SUPT3H: variants seen among roughly 807,000 people sequenced by gnomAD.
SUPT3H encodes the protein transcription initiation protein SPT3 homolog.
SUPT3H carries 44 observed loss-of-function variants against 44.3 expected under a neutral mutation model. That is an observed-to-expected ratio of 0.99 (90% confidence interval 0.78 to 1.28). The LOEUF is 1.28. SUPT3H is among the 50% of genes most tolerant of loss of function. SUPT3H has a pLI of 0.00. For synonymous variants in SUPT3H, 124 were observed against 125.6 expected (o/e 0.99, Z 0.09); for missense variants, 380 against 387.1 (o/e 0.98, Z 0.15).
chr6:45,005,383 T>A (rs1402088605), intron 5 of SUPT3H, among the ~76,000 whole-genome samples: 3 of 152,164 alleles, frequency 2.0e-5, no homozygotes, highest in African/African-American at 4.8e-5. Flanking sequence ...GTTATCTAAG[T>A]TAAAAATGTT....
intron 2 of SUPT3H, among the ~76,000 whole-genome samples, chr6:45,241,407 A>T (rs149262077): frequency 0.013 from 1,990 of 152,352 alleles, 23 homozygotes; most frequent in Non-Finnish European, 0.022. Flanking sequence ...TGGCATGAGC[A>T]ATCTGTGCCT....
intron 9 of SUPT3H, among the ~76,000 whole-genome samples, chr6:44,933,115 A>G (rs1770856818): frequency 6.6e-6 from 1 of 152,216 alleles, no homozygotes; most frequent in African/African-American, 2.4e-5. Context: ...AAACATTTTA[A>G]CATTTATTAT....
intron 2 of SUPT3H, among the ~76,000 whole-genome samples, chr6:45,143,223 A>G (rs976060270): frequency 2.0e-5 from 3 of 152,146 alleles, no homozygotes; most frequent in Non-Finnish European, 4.4e-5. Flanking sequence ...TATTTACAGA[A>G]AATTCTACCC....
intron 6 of SUPT3H, among the ~76,000 whole-genome samples, chr6:44,991,774 A>C (rs1010408665): frequency 6.6e-6 from 1 of 152,172 alleles, no homozygotes; most frequent in African/African-American, 2.4e-5. Context: ...GATGCACATA[A>C]AGAAATGGGG....
intron 2 of SUPT3H, among the ~76,000 whole-genome samples, chr6:45,123,772 A>G (rs1008457211): frequency 6.6e-6 from 1 of 152,144 alleles, no homozygotes; most frequent in African/African-American, 2.4e-5. Flanking sequence ...GGCCATCACA[A>G]TACCAAAGTC....
At chr6:44,959,211 A>G (rs1775659627) in intron 7 of SUPT3H, among the ~76,000 whole-genome samples, 1 of 152,092 alleles carries the variant, frequency 6.6e-6, no homozygotes, top group African/African-American at 2.4e-5. Context: ...AATTTTAAAA[A>G]CTTTACGTCA....
intron 10 of SUPT3H, among the ~76,000 whole-genome samples, chr6:44,899,839 G>A (rs1410744536): frequency 2.0e-5 from 3 of 152,090 alleles, no homozygotes; most frequent in African/African-American, 7.2e-5. Context: ...ATGTACTCTG[G>A]AGGTTGATCC....
chr6:45,284,873 G>A (rs1044517150), intron 2 of SUPT3H, among the ~76,000 whole-genome samples: 4 of 152,224 alleles, frequency 2.6e-5, no homozygotes, highest in East Asian at 1.9e-4. Context: ...ATTCAGCAGT[G>A]CATCAAAAAG....
chr6:44,815,005 T>C (rs1337047048), intron 11 of SUPT3H, among the ~76,000 whole-genome samples: 3 of 152,100 alleles, frequency 2.0e-5, no homozygotes, highest in Non-Finnish European at 4.4e-5. Flanking sequence ...AGAAATACTC[T>C]GCAGTCTTAA....
At chr6:45,376,866 C>CACAG in intron 1 of SUPT3H, among the ~76,000 whole-genome samples, 1 of 152,166 alleles carries the variant, frequency 6.6e-6, no homozygotes, top group African/African-American at 2.4e-5. Context: ...TACATATATA[C>CACAG]ACATACATAT....
At chr6:44,816,924 G>T (rs1766953549) in intron 11 of SUPT3H, among the ~76,000 whole-genome samples, 1 of 151,968 alleles carries the variant, frequency 6.6e-6, no homozygotes, top group Non-Finnish European at 1.5e-5. Context: ...TGCCAGGCAT[G>T]GTGATGTGTG....
intron 2 of SUPT3H, among the ~76,000 whole-genome samples, chr6:45,110,521 A>G (rs2153573702): frequency 6.6e-6 from 1 of 152,008 alleles, no homozygotes; most frequent in Admixed American, 6.6e-5. Context: ...TTTTGCTCTC[A>G]AAAAACAACA....
At chr6:44,976,482 G>A (rs559212855) in intron 6 of SUPT3H, among the ~76,000 whole-genome samples, 3 of 151,798 alleles carry the variant, frequency 2.0e-5, no homozygotes, top group Non-Finnish European at 2.9e-5. Flanking sequence ...CTGCCTCAGC[G>A]TCCCGAATAG....
intron 2 of SUPT3H, among the ~76,000 whole-genome samples, chr6:45,214,921 T>C (rs1192213065): frequency 2.0e-5 from 3 of 152,084 alleles, no homozygotes; most frequent in South Asian, 2.1e-4. Flanking sequence ...CTAGTGATAC[T>C]ACCTCTGCAA....
rs917447506 is a variant in SUPT3H at position 45,241,617 on chromosome 6, C to T, written c.101+123584G>A. Among the ~76,000 whole-genome samples the T allele has an allele frequency of 2.0e-5, 3 of 152,184 alleles. No individual in the cohort carries two copies. The South Asian group carries it at 6.2e-4, about 31-fold the overall frequency. On this transcript the variant is annotated intron_variant, in intron 2 of 10. Coordinates refer to ENST00000371459, the MANE Select transcript of SUPT3H (RefSeq NM_003599.4). ...AGGCTGTGAGTCCCCTGATTTCCCA[C>T]TCCACACGCTATATTTGTGTGTGTG...
intron 2 of SUPT3H, among the ~76,000 whole-genome samples, chr6:45,187,602 A>C (rs186661061): frequency 1.9e-3 from 286 of 152,338 alleles, no homozygotes; most frequent in African/African-American, 6.7e-3. Context: ...AGGAAAAGAC[A>C]CTTTTCTTCC....
chr6:45,082,193 C>T (rs1295741802), intron 3 of SUPT3H, among the ~76,000 whole-genome samples: 1 of 152,064 alleles, frequency 6.6e-6, no homozygotes, highest in Non-Finnish European at 1.5e-5. Flanking sequence ...GACAGATTAA[C>T]AGCTGAACTC....
At chr6:44,854,187 C>T (rs1368403458) in intron 10 of SUPT3H, among the ~76,000 whole-genome samples, 1 of 152,064 alleles carries the variant, frequency 6.6e-6, no homozygotes, top group East Asian at 1.9e-4. Flanking sequence ...AAATTTATTC[C>T]CCCAAACAGG....
intron 2 of SUPT3H, among the ~76,000 whole-genome samples, chr6:45,107,314 C>T (rs1799421843): frequency 6.6e-6 from 1 of 152,112 alleles, no homozygotes; most frequent in South Asian, 2.1e-4. Context: ...AACCTACAGT[C>T]TATACCGAAC....
Sources: allele counts gnomAD v4.1 joint callset (sites outside exome capture counted in the v4.1 genomes callset), GRCh38; gene constraint gnomAD v4.1.1; transcripts MANE v1.5; gene names NCBI Gene and HGNC (gene_info 2026-07-23, HGNC 2026-07-21).